ABCA3: variants seen among roughly 807,000 people sequenced by gnomAD.
The protein encoded by ABCA3 is phospholipid-transporting ATPase ABCA3.
In ABCA3, 88 loss-of-function variants were observed where a neutral mutation model predicts 172.8. That is an observed-to-expected ratio of 0.51 (90% CI 0.43 to 0.61). ABCA3 has a LOEUF of 0.61. Among genes scored for constraint, ABCA3 ranks in the 20% least tolerant of loss-of-function variants. The pLI is 0.00. For synonymous variants in ABCA3, 1,066 were observed against 983.8 expected, an observed-to-expected ratio of 1.08 and a Z score of -1.56; for missense variants, 2,164 against 2,301.0, an observed-to-expected ratio of 0.94 and a Z score of 1.22.
intron 1 of ABCA3, among the ~76,000 whole-genome samples, chr16:2,336,869 T>C (rs1466182827): frequency 6.6e-6 from 1 of 152,130 alleles, no homozygotes; most frequent in African/African-American, 2.4e-5. Flanking sequence ...GTAGCATTCA[T>C]ATGTTGGATA....
At chr16:2,289,719 A>G (rs1596836942) in intron 19 of ABCA3, 99 bp from the exon 20 acceptor site, 1 of 1,317,636 alleles carries the variant, frequency 7.6e-7, no homozygotes, top group Non-Finnish European at 1.0e-6. Context: ...GTGTTGCCGC[A>G]GTCCTTGGCT....
intron 10 of ABCA3, among the ~76,000 whole-genome samples, chr16:2,316,344 GAAAAGAAAAAAAA>G (rs2093715563): frequency 9.4e-6 from 1 of 106,858 alleles, no homozygotes; most frequent in Admixed American, 9.5e-5. Context: ...AAGAAAAAAA[GAAAAGAAAAAAAA>G]AAAAAGGCCA....
intron 12 of ABCA3, among the ~76,000 whole-genome samples, chr16:2,301,918 T>A (rs1303145550): frequency 1.3e-5 from 2 of 152,226 alleles, no homozygotes; most frequent in Admixed American, 1.3e-4. Flanking sequence ...ACGTCCATAA[T>A]GGCCATAACA....
intron 28 of ABCA3, 102 bp downstream of exon 28, chr16:2,280,925 G>T: frequency 1.4e-6 from 2 of 1,474,546 alleles, no homozygotes; most frequent in Non-Finnish European, 1.9e-6. Context: ...AGCCACAGAT[G>T]CAGCAGCTGT....
chr16:2,328,715 G>A lies in ABCA3; in HGVS notation c.-289C>T. The A allele has an allele frequency of 2.8e-6, 1 of 352,886 alleles. No homozygotes were observed. Among genetic ancestry groups the A allele is most frequent in the Non-Finnish European group, 5.7e-6 (1 of 174,782 alleles). The allele number at this position is 352,886 out of a possible 1,614,324, so 21.9% of individuals were successfully genotyped here. A position where few individuals can be genotyped will look rare whatever the true frequency, so the allele number is the denominator to read the frequency against. ...TGCGGAAAAGCCTCCTTGACTCACAGTGGAAGAGTTTCAGGTTCAGTTGCT... is the reference window on the plus strand; with the variant it reads ...TGCGGAAAAGCCTCCTTGACTCACAATGGAAGAGTTTCAGGTTCAGTTGCT... On this transcript the variant is annotated 5_prime_UTR_variant, in exon 3 of 33. Transcript: ENST00000301732.
rs1474773894 is a variant in ABCA3 at position 2,281,446 on chromosome 16, G to A, written c.4099C>T (p.Arg1367Cys). Residue 1367 changes from arginine (R) to cysteine (C), a missense_variant, in exon 27 of 33, where the codon CGC becomes TGC. Arg to Cys is a radical substitution (Grantham distance 180). This residue lies in a region of ABCA3 where 795 missense variants were observed against 881.9 expected (regional missense o/e 0.90). Transcript: ENST00000301732. This position sits in a 1 kb window ranked among gnomAD's most constrained non-coding sequence, Gnocchi z 4.7. ...GAGTCCGGACTGGGGGCCAGGATGCGGGTCCTCTCGTCCGCTACATCTTGG... is the reference window on the plus strand; with the variant it reads ...GAGTCCGGACTGGGGGCCAGGATGCAGGTCCTCTCGTCCGCTACATCTTGG... ...EDQDVADERT[R>C]ILAPSPDSLL... 1.9e-6 allele frequency: 3 copies of A among 1,613,652 alleles called. No individual in the cohort carries two copies. The highest frequency in any genetic ancestry group is 2.5e-6 in the Non-Finnish European group (3 of 1,179,982).
In ABCA3 at chr16:2,294,175, G is replaced by A. The variant is rs578067269; in HGVS notation, c.2414+1415C>T. Reference sequence around the variant, plus strand: ...TGGGATTACAGGCACCCACCACCACGCCCGGCTAATTTTTGTATTTTTTTT... The same window carrying A: ...TGGGATTACAGGCACCCACCACCACACCCGGCTAATTTTTGTATTTTTTTT... On this transcript the variant is annotated intron_variant, in intron 18 of 32. Coordinates refer to ENST00000301732, the MANE Select transcript of ABCA3 (RefSeq NM_001089.3). 2.3e-4 allele frequency among the ~76,000 whole-genome samples: 34 copies of A among 150,264 alleles called. 4 individuals are homozygous for A. The highest frequency in any genetic ancestry group is 8.1e-4 in the African/African-American group (33 of 40,960).
Position 2,288,228 on chromosome 16 carries a change from C to T in ABCA3, c.2802G>A (p.Leu934=). The T allele has an allele frequency of 6.3e-7, 1 of 1,595,864 alleles. No individual in the cohort carries two copies. The highest frequency in any genetic ancestry group is 8.5e-7 in the Non-Finnish European group (1 of 1,171,278). ...KMVAAQVLVP[L]TCVTLALLAI... ...CCAGGAGGGCCAGGGTGACGCAGGT[C>T]AGAGGCACCAGGACCTGTGCCGCCA... The change falls in exon 21 of 33, where the codon CTG becomes CTA. Residue 934 remains leucine (L), a synonymous_variant. Transcript: ENST00000301732.
chr16:2,326,531 T>G, intron 3 of ABCA3, 39 bp from the exon 4 acceptor site: 1 of 1,562,780 alleles, frequency 6.4e-7, no homozygotes, highest in South Asian at 1.2e-5. Flanking sequence ...GGGTGCGCAA[T>G]AGAAACACGC....
At chr16:2,295,149 T>C (rs1732385126) in intron 18 of ABCA3, among the ~76,000 whole-genome samples, 3 of 152,212 alleles carry the variant, frequency 2.0e-5, no homozygotes, top group Admixed American at 2.0e-4. Flanking sequence ...CTCCCCTTGC[T>C]GGTTCTGCCG....
Position 2,277,655 on chromosome 16 carries a change from T to A in ABCA3, c.4925A>T (p.Asp1642Val). ...DLTFPGSVLE[D>V]EHQGMVHYHL... ...GTAATGGACCATGCCTTGGTGCTCA[T>A]CTTCCAGGACGCTGCCTGCACAAAG... Residue 1642 changes from aspartate to valine, a missense_variant, in exon 32 of 33, where the codon GAT becomes GTT. Asp to Val is a radical substitution (Grantham distance 152). Around this residue, in one of 3 missense-constraint regions of ABCA3, gnomAD observed 795 missense variants for 881.9 expected, o/e 0.90. Coordinates refer to ENST00000301732, the MANE Select transcript of ABCA3 (RefSeq NM_001089.3). The surrounding 1 kb of genome is among the most constrained non-coding windows in gnomAD (Gnocchi z 5.3). 1.9e-6 allele frequency: 3 copies of A among 1,613,188 alleles called. No individual in the cohort carries two copies. Among genetic ancestry groups the A allele is most frequent in the Non-Finnish European group, 2.5e-6 (3 of 1,180,016 alleles).
At position 2,318,447 on chromosome 16, in the gene ABCA3, T is replaced by C. The variant is rs186090728; in HGVS notation, c.874-683A>G. ...CAGCCAGCAGCCAGGTGTGGCCGTT[T>C]CAACTGAAGTTAATTAAAAATAAAG... is the stretch of plus-strand genomic sequence containing the variant. On this transcript the variant is annotated intron_variant, in intron 8 of 32. Coordinates refer to ENST00000301732, the MANE Select transcript of ABCA3 (RefSeq NM_001089.3). 5.0e-3 allele frequency among the ~76,000 whole-genome samples: 769 copies of C among 152,332 alleles called. 6 individuals are homozygous for C. The highest frequency in any genetic ancestry group is 0.017 in the African/African-American group (716 of 41,562).
Position 2,278,365 on chromosome 16 carries a change from G to T in ABCA3, c.4641C>A (p.Pro1547=). The part of the protein sequence containing the change: ...FLDEPSTGMD[P]VARRLLWDTV... ...TGTCCCAAAGCAGGCGCCGGGCCACGGGGTCCATGCCAGTGGACGGCTCGT... is the reference window on the plus strand; with the variant it reads ...TGTCCCAAAGCAGGCGCCGGGCCACTGGGTCCATGCCAGTGGACGGCTCGT... The change falls in exon 30 of 33, where the codon CCC becomes CCA. Residue 1547 remains proline, a synonymous_variant. Coordinates refer to ENST00000301732, the MANE Select transcript of ABCA3 (RefSeq NM_001089.3). The surrounding 1 kb of genome is among the most constrained non-coding windows in gnomAD (Gnocchi z 4.4). The T allele has an allele frequency of 6.2e-7, 1 of 1,612,376 alleles. No individual in the cohort carries two copies. The highest frequency in any genetic ancestry group is 8.5e-7 in the Non-Finnish European group (1 of 1,179,994).
At chr16:2,290,280 C>A (rs2093670027) in intron 19 of ABCA3, among the ~76,000 whole-genome samples, 1 of 152,190 alleles carries the variant, frequency 6.6e-6, no homozygotes, top group Non-Finnish European at 1.5e-5. Flanking sequence ...CGTCAGTATT[C>A]CCTCTGATTA....
At chr16:2,330,712 T>G (rs2093741807) in intron 1 of ABCA3, among the ~76,000 whole-genome samples, 2 of 148,862 alleles carry the variant, frequency 1.3e-5, no homozygotes, top group Non-Finnish European at 3.0e-5. Flanking sequence ...TTTTTTTTTT[T>G]TTTTGAGACG....
chr16:2,301,666 C>T (rs1025791857), intron 12 of ABCA3, among the ~76,000 whole-genome samples: 5 of 150,826 alleles, frequency 3.3e-5, no homozygotes, highest in Admixed American at 6.6e-5. Flanking sequence ...GCTGAGATCG[C>T]GCCACTGGAC....
chr16:2,306,982 T>C (rs1187712009), intron 11 of ABCA3, among the ~76,000 whole-genome samples: 2 of 120,764 alleles, frequency 1.7e-5, no homozygotes, highest in African/African-American at 3.4e-5. Flanking sequence ...GCCACTGCCC[T>C]CCAGCCTGGG....
Position 2,281,239 on chromosome 16 carries a change from A to G in ABCA3, c.4165-18T>C. 5 of 1,613,346 alleles carry G rather than the reference A, an allele frequency of 3.1e-6. No individual in the cohort carries two copies. Among genetic ancestry groups the G allele is most frequent in the Non-Finnish European group, 4.2e-6 (5 of 1,179,936 alleles). On this transcript the variant is annotated intron_variant, in intron 27 of 32. Coordinates refer to ENST00000301732, the MANE Select transcript of ABCA3 (RefSeq NM_001089.3). This position sits in a 1 kb window ranked among gnomAD's most constrained non-coding sequence, Gnocchi z 4.7. ...TCGTACACCTGCAGGCACCCAACAG[A>G]AAACACGGAATGCGGAGGCCTGGAC... is the stretch of plus-strand genomic sequence containing the variant.
chr16:2,308,683 C>T, intron 10 of ABCA3, 60 bp from the exon 11 acceptor site: 3 of 1,601,490 alleles, frequency 1.9e-6, no homozygotes, highest in Non-Finnish European at 2.6e-6. Flanking sequence ...GGGGCTTGGG[C>T]TCCCCGAGGT....
Sources: allele counts gnomAD v4.1 joint callset (sites outside exome capture counted in the v4.1 genomes callset), GRCh38; gene constraint gnomAD v4.1.1; regional missense constraint gnomAD v4.1.1; non-coding constraint Gnocchi (gnomAD v3.1); transcripts MANE v1.5; gene names NCBI Gene and HGNC (gene_info 2026-07-23, HGNC 2026-07-21).